The following CNOT1 variants were observed in gnomAD, a reference collection of about 807,000 sequenced individuals.
CNOT1 encodes the protein CCR4-NOT transcription complex subunit 1, also known as CCR4-associated factor 1.
Under a neutral mutation model 273.8 loss-of-function variants are expected in CNOT1, and 15 were observed. That is an observed-to-expected ratio of 0.05 (90% CI 0.04 to 0.08). The LOEUF (loss-of-function observed/expected upper bound fraction) is 0.08, where lower values mean the gene tolerates loss of function less well. CNOT1 is among the 10% of genes least tolerant of loss of function. CNOT1 has a pLI of 1.00. For missense variants in CNOT1, 1,644 were observed against 2,912.2 expected (o/e 0.56, Z 10.02); for synonymous variants, 1,022 against 1,005.5 (o/e 1.02, Z -0.31).
At chr16:58,554,809 G>A (rs904027061) in intron 21 of CNOT1, among the ~76,000 whole-genome samples, 8 of 151,786 alleles carry the variant, frequency 5.3e-5, no homozygotes, top group East Asian at 1.9e-4. Flanking sequence ...AGTGGCACGC[G>A]TCTGTAATCC....
At chr16:58,603,613 C>T (rs1269720468) in intron 1 of CNOT1, among the ~76,000 whole-genome samples, 3 of 152,070 alleles carry the variant, frequency 2.0e-5, no homozygotes, top group Non-Finnish European at 2.9e-5. Flanking sequence ...TTATACTCTT[C>T]TTCCCCTACT....
Position 58,546,325 on chromosome 16 carries a change from G to C in CNOT1, c.4002C>G (p.Thr1334=). 6.2e-7 allele frequency: 1 copy of C among 1,612,638 alleles called. No individual in the cohort carries two copies. The change falls in exon 29 of 49, where the codon ACC becomes ACG. Residue 1334 remains threonine (T), a synonymous_variant. Coordinates refer to ENST00000317147, the MANE Select transcript of CNOT1 (RefSeq NM_016284.5). ...KQPEELPPIT[T]TTTSTTPATN... is the part of the protein sequence containing the mutation. ...TTGACTAATTAGCACACTTACTTGT[G>C]GTTGTGATGGGAGGGAGTTCTTCTG...
intron 40 of CNOT1, among the ~76,000 whole-genome samples, chr16:58,533,374 C>T (rs1162525041): frequency 2.0e-5 from 3 of 152,036 alleles, no homozygotes; most frequent in South Asian, 2.1e-4. Context: ...CTGTGGCTCA[C>T]GCCTATAATC....
chr16:58,568,106 C>T (rs1343231478), intron 16 of CNOT1, among the ~76,000 whole-genome samples: 3 of 152,208 alleles, frequency 2.0e-5, no homozygotes, highest in African/African-American at 4.8e-5. Context: ...GGCACGGTGG[C>T]TCACGCCTGT....
intron 1 of CNOT1, among the ~76,000 whole-genome samples, chr16:58,617,046 G>A (rs9302700): frequency 0.75 from 114,483 of 152,124 alleles, 43,484 homozygotes; most frequent in Middle Eastern, 0.86. Flanking sequence ...GGCATTCAGT[G>A]AGAATTAAGG....
chr16:58,548,706 C>A, intron 25 of CNOT1: 1 of 446,184 alleles, frequency 2.2e-6, no homozygotes, highest in Non-Finnish European at 4.4e-6. Context: ...AGAAGTTTTT[C>A]CTCCTAAGAA....
rs1336843002 is a variant in CNOT1 at position 58,586,556 on chromosome 16, G to A, written c.626C>T (p.Thr209Met). Residue 209 changes from threonine (T) to methionine (M), a missense_variant, in exon 7 of 49, where the codon ACG becomes ATG. Transcript: ENST00000317147. ...GQEQIDAFLK[T>M]LRRDFPQERC... Reference sequence around the variant, plus strand: ...AAAGACTCCCTTACCTCTGCGCAGCGTCTTAAGAAAAGCGTCTATCTGTTC... The same window carrying A: ...AAAGACTCCCTTACCTCTGCGCAGCATCTTAAGAAAAGCGTCTATCTGTTC... 4.3e-6 allele frequency: 7 copies of A among 1,610,642 alleles called. No homozygotes were observed. The highest frequency in any genetic ancestry group is 5.9e-6 in the Non-Finnish European group (7 of 1,179,344).
In CNOT1 at chr16:58,537,989, A is replaced by C. The variant is rs2151911582; in HGVS notation, c.5316T>G (p.Asp1772Glu). The change falls in exon 38 of 49, where the codon GAT becomes GAG. Residue 1772 changes from aspartate (D) to glutamate (E), a missense_variant. Asp to Glu is a conservative substitution (Grantham distance 45, BLOSUM62 2). Transcript: ENST00000317147. Reference protein sequence around the residue: ...AMQLVKILLVDERSVAHVTEA... With the variant: ...AMQLVKILLVEERSVAHVTEA... The stretch of plus-strand genomic sequence containing the variant: ...CAGTAACATGAGCAACACTCCTTTC[A>C]TCCACCAGCAGGATTTTTACTAACT... 2 of 1,614,150 alleles carry C rather than the reference A, an allele frequency of 1.2e-6. No homozygotes were observed. The highest frequency in any genetic ancestry group is 1.6e-4 in the Middle Eastern group (1 of 6,062).
At chr16:58,582,527 G>A (rs750305700) in intron 10 of CNOT1, among the ~76,000 whole-genome samples, 1 of 152,102 alleles carries the variant, frequency 6.6e-6, no homozygotes, top group African/African-American at 2.4e-5. Context: ...GTTTGCAACC[G>A]AAGTAGAAGT....
intron 10 of CNOT1, 60 bp from the exon 11 acceptor site, chr16:58,581,575 C>T: frequency 3.4e-6 from 5 of 1,459,856 alleles, no homozygotes; most frequent in Non-Finnish European, 4.5e-6. Context: ...GATACATTAT[C>T]CAAAAGGCCA....
At chr16:58,527,675 G>A (rs998655052) in intron 44 of CNOT1, among the ~76,000 whole-genome samples, 1 of 152,100 alleles carries the variant, frequency 6.6e-6, no homozygotes, top group Non-Finnish European at 1.5e-5. Context: ...TCATTTAAGG[G>A]GATATGCAAA....
chr16:58,547,519 T>C lies in CNOT1; in HGVS notation c.3639+47A>G, dbSNP rs1354863507. On this transcript the variant is annotated intron_variant, in intron 26 of 48. Transcript: ENST00000317147. This position sits in a 1 kb window ranked among gnomAD's most constrained non-coding sequence, Gnocchi z 4.0. ...TCCAAACAGCCAATACTTGTAATCA[T>C]AATGTGCTGAAGATTCTCAATTTTT... 3.2e-6 allele frequency: 5 copies of C among 1,573,404 alleles called. No homozygotes were observed. In the South Asian group the frequency reaches 5.8e-5, roughly 18 times the overall value.
intron 47 of CNOT1, among the ~76,000 whole-genome samples, chr16:58,521,987 C>T (rs1050987192): frequency 2.0e-5 from 3 of 151,722 alleles, no homozygotes; most frequent in Admixed American, 6.6e-5. Context: ...AATAAGCTCA[C>T]TCTCAATAAA....
At chr16:58,564,099 G>A (rs2040953049) in intron 16 of CNOT1, among the ~76,000 whole-genome samples, 1 of 152,134 alleles carries the variant, frequency 6.6e-6, no homozygotes, top group African/African-American at 2.4e-5. Flanking sequence ...GAAGCAAGTT[G>A]CATATTATCT....
At chr16:58,529,840 C>CAAAAAAAAA (rs58854069) in intron 43 of CNOT1, among the ~76,000 whole-genome samples, 3 of 69,366 alleles carry the variant, frequency 4.3e-5, no homozygotes, top group Admixed American at 1.9e-4. Context: ...GACTCTGTCT[C>CAAAAAAAAA]AAAAAAAAAA....
intron 16 of CNOT1, 43 bp downstream of exon 16, chr16:58,574,566 A>G (rs776450435): frequency 2.0e-6 from 3 of 1,518,308 alleles, no homozygotes; most frequent in Admixed American, 2.3e-5. Context: ...TTATTCATAT[A>G]ATCCAATTCA....
intron 16 of CNOT1, 95 bp downstream of exon 16, chr16:58,574,514 T>A: frequency 8.1e-7 from 1 of 1,233,768 alleles, no homozygotes; most frequent in East Asian, 2.4e-5. Flanking sequence ...CATTTTAAAC[T>A]GCTGTCACTT....
chr16:58,574,677 C>G lies in CNOT1; in HGVS notation c.1911G>C (p.Gln637His), dbSNP rs768737656. ...CTGGAGGAAGTTGAGCACTTTTGGG[C>G]TGGTCTTTTTCTGGGGCAAGTCCGC... ...ILGGLAPEKD[Q>H]PKSAQLPPET... The change falls in exon 16 of 49, where the codon CAG (glutamine) becomes CAC (histidine). Residue 637 changes from glutamine (Q) to histidine (H), a missense_variant. By Grantham distance (24) the Gln-to-His change is conservative (BLOSUM62 0). Coordinates refer to ENST00000317147, the MANE Select transcript of CNOT1 (RefSeq NM_016284.5). 5.0e-6 allele frequency: 8 copies of G among 1,610,124 alleles called. No homozygotes were observed. Among genetic ancestry groups the G allele is most frequent in the Non-Finnish European group, 6.8e-6 (8 of 1,179,372 alleles).
intron 44 of CNOT1, chr16:58,527,881 C>T (rs2039650035): frequency 4.1e-6 from 1 of 244,618 alleles, no homozygotes; most frequent in Non-Finnish European, 8.2e-6. Flanking sequence ...TTTGGGAGGC[C>T]GAAGCAGGCA....
Sources: allele counts gnomAD v4.1 joint callset (sites outside exome capture counted in the v4.1 genomes callset), GRCh38; gene constraint gnomAD v4.1.1; non-coding constraint Gnocchi (gnomAD v3.1); transcripts MANE v1.5; gene names NCBI Gene and HGNC (gene_info 2026-07-23, HGNC 2026-07-21).